The following STIM2 variants were observed in gnomAD, a reference collection of about 807,000 sequenced individuals.
STIM2 encodes stromal interaction molecule 2.
STIM2 carries 31 observed loss-of-function variants against 85.8 expected under a neutral mutation model. The observed-to-expected ratio is 0.36, with a 90% CI of 0.27 to 0.49. The LOEUF is 0.49. Among genes scored for constraint, STIM2 ranks in the 20% least tolerant of loss-of-function variants. STIM2 has a pLI of 0.98. For synonymous variants in STIM2, 356 were observed against 331.1 expected, an observed-to-expected ratio of 1.08 and a Z score of -0.82; for missense variants, 841 against 927.6, an observed-to-expected ratio of 0.91 and a Z score of 1.21.
intron 4 of STIM2, among the ~76,000 whole-genome samples, chr4:26,996,267 A>C (rs939901941): frequency 5.9e-5 from 9 of 152,018 alleles, no homozygotes; most frequent in South Asian, 4.1e-4. Context: ...AATTTAATTA[A>C]CTTAATAATC....
chr4:27,007,435 A>T, intron 7 of STIM2, 98 bp from the exon 8 acceptor site: 1 of 836,220 alleles, frequency 1.2e-6, no homozygotes, highest in African/African-American at 1.7e-5. Flanking sequence ...GCATAATTAA[A>T]ATAGCTTTTT....
chr4:26,861,657 TGCA>T (rs1722204095), intron 1 of STIM2: 1 of 269,562 alleles, frequency 3.7e-6, no homozygotes, highest in Non-Finnish European at 6.7e-6. Context: ...TCTTTCGTGC[TGCA>T]GAAGTGCCAG....
intron 3 of STIM2, among the ~76,000 whole-genome samples, chr4:26,987,263 T>G (rs747771301): frequency 2.6e-5 from 4 of 152,178 alleles, no homozygotes; most frequent in Non-Finnish European, 4.4e-5. Context: ...GGCACAGTTT[T>G]CATCCCTTTT....
At chr4:26,861,816 A>G (rs1722216048) in intron 1 of STIM2, 1 of 152,842 alleles carries the variant, frequency 6.5e-6, no homozygotes, top group Non-Finnish European at 1.5e-5. Context: ...ACCGGTTCAA[A>G]GCTCCGCTTG....
At chr4:26,985,750 C>T (rs1031293916) in intron 3 of STIM2, among the ~76,000 whole-genome samples, 1 of 152,082 alleles carries the variant, frequency 6.6e-6, no homozygotes, top group Non-Finnish European at 1.5e-5. Context: ...CCCTAAAATG[C>T]ATTAATTTTC....
chr4:26,947,332 G>A (rs2082939312), intron 2 of STIM2, among the ~76,000 whole-genome samples: 1 of 152,030 alleles, frequency 6.6e-6, no homozygotes, highest in African/African-American at 2.4e-5. Flanking sequence ...AAAAGTTTGA[G>A]AATTTATAAT....
chr4:27,014,310 T>C (rs912378459), intron 10 of STIM2, among the ~76,000 whole-genome samples: 5 of 151,980 alleles, frequency 3.3e-5, no homozygotes, highest in African/African-American at 9.6e-5. Context: ...TTTAAGGCTA[T>C]GAATTTTCTC....
At chr4:26,882,018 T>G (rs2109036997) in intron 1 of STIM2, among the ~76,000 whole-genome samples, 1 of 152,332 alleles carries the variant, frequency 6.6e-6, no homozygotes, top group Admixed American at 6.5e-5. Flanking sequence ...GAGTGCCCAA[T>G]AGTGTTTTTA....
chr4:26,876,237 T>C (rs796140172), intron 1 of STIM2, among the ~76,000 whole-genome samples: 32 of 152,324 alleles, frequency 2.1e-4, no homozygotes, highest in African/African-American at 6.7e-4. Context: ...TAACAGGGTA[T>C]TGGTAAAATT....
At chr4:26,987,803 C>T (rs1030709346) in intron 3 of STIM2, among the ~76,000 whole-genome samples, 3 of 152,194 alleles carry the variant, frequency 2.0e-5, no homozygotes, top group Non-Finnish European at 4.4e-5. Flanking sequence ...GCAGATTGCT[C>T]ATATATAATG....
At chr4:26,911,275 TAAAA>T (rs546631682) in intron 1 of STIM2, among the ~76,000 whole-genome samples, 1 of 151,538 alleles carries the variant, frequency 6.6e-6, no homozygotes, top group Non-Finnish European at 1.5e-5. Flanking sequence ...TGAAATAAAA[TAAAA>T]AAAATGAAAT....
At chr4:27,015,131 A>C (rs1728690699) in intron 10 of STIM2, among the ~76,000 whole-genome samples, 1 of 151,976 alleles carries the variant, frequency 6.6e-6, no homozygotes, top group East Asian at 1.9e-4. Flanking sequence ...GGCTAAGTTA[A>C]ATTTAATCCA....
Position 27,002,299 on chromosome 4 carries a change from G to A in STIM2, c.708G>A (p.Thr236=), listed in dbSNP as rs896066669. 8.7e-6 allele frequency: 14 copies of A among 1,613,274 alleles called. No individual in the cohort carries two copies. The highest frequency in any genetic ancestry group is 3.3e-5 in the Admixed American group (2 of 59,954). ...TTGGAGGCTGCTGGTTTGCTTATAC[G>A]CAGAATAAGACATCAAAAGAACATG... The change falls in exon 6 of 12, where the codon ACG becomes ACA. Residue 236 remains threonine (T), a synonymous_variant. Coordinates refer to ENST00000467087, the MANE Select transcript of STIM2 (RefSeq NM_020860.4).
rs146400958 is a variant in STIM2 at position 27,011,012 on chromosome 4, A to T, written c.1489+2010A>T. Among the ~76,000 whole-genome samples the T allele has an allele frequency of 5.0e-3, 763 of 152,314 alleles. 7 individuals are homozygous for T. Among genetic ancestry groups the T allele is most frequent in the Non-Finnish European group, 8.6e-3 (585 of 68,018 alleles). On this transcript the variant is annotated intron_variant, in intron 10 of 11. Transcript: ENST00000467087. ...ACACACACTTAAAGTGACTGAAAAT[A>T]ATATGCCCACCTACCAAAAAGATAA...
At chr4:26,977,726 A>G (rs895501528) in intron 3 of STIM2, among the ~76,000 whole-genome samples, 3 of 152,168 alleles carry the variant, frequency 2.0e-5, no homozygotes, top group Non-Finnish European at 2.9e-5. Context: ...AGTAATTAGG[A>G]AAAAACCCAG....
At chr4:26,873,926 G>T in intron 1 of STIM2, 1 of 1,355,890 alleles carries the variant, frequency 7.4e-7, no homozygotes. Context: ...GGCGCCTCCA[G>T]ACAGCTGGGT....
intron 1 of STIM2, among the ~76,000 whole-genome samples, chr4:26,898,075 G>C (rs1395127555): frequency 1.3e-5 from 2 of 152,134 alleles, no homozygotes; most frequent in Non-Finnish European, 2.9e-5. Flanking sequence ...TCCCAAACAT[G>C]TATTTTAAAA....
At chr4:26,870,170 A>G (rs1722559351) in intron 1 of STIM2, among the ~76,000 whole-genome samples, 1 of 152,150 alleles carries the variant, frequency 6.6e-6, no homozygotes, top group South Asian at 2.1e-4. Context: ...TTCAAGTACA[A>G]AGATTCAGTT....
intron 7 of STIM2, among the ~76,000 whole-genome samples, chr4:27,007,185 T>C (rs980196266): frequency 9.9e-5 from 15 of 151,800 alleles, no homozygotes; most frequent in African/African-American, 2.2e-4. Flanking sequence ...GACTTTTTTT[T>C]CCCCCTCAGT....
Sources: allele counts gnomAD v4.1 joint callset (sites outside exome capture counted in the v4.1 genomes callset), GRCh38; gene constraint gnomAD v4.1.1; transcripts MANE v1.5; gene names NCBI Gene and HGNC (gene_info 2026-07-23, HGNC 2026-07-21).